The following ZC3H6 variants were observed in gnomAD, a reference collection of about 807,000 sequenced individuals.
The protein encoded by ZC3H6 is zinc finger CCCH-type containing 6, also known as zinc finger CCCH domain-containing protein 6.
Under a neutral mutation model 107.7 loss-of-function variants are expected in ZC3H6, and 40 were observed. That is an observed-to-expected ratio of 0.37 (90% CI 0.29 to 0.48). The LOEUF is 0.48. Ranked by LOEUF, ZC3H6 falls within the 20% of genes least tolerant of loss-of-function variation. ZC3H6 has a pLI of 0.98. For missense variants in ZC3H6, 1,267 were observed against 1,410.4 expected, an observed-to-expected ratio of 0.90 and a Z score of 1.63; for synonymous variants, 493 against 487.9, an observed-to-expected ratio of 1.01 and a Z score of -0.14.
At position 112,331,043 on chromosome 2, in the gene ZC3H6, G is replaced by A; in HGVS notation, c.2125G>A (p.Glu709Lys). ...CTGGTATTCCAGTAGTGAAGAGGAAGAAGGAAGCAGTGTCAAATCAATACT... is the reference window on the plus strand; with the variant it reads ...CTGGTATTCCAGTAGTGAAGAGGAAAAAGGAAGCAGTGTCAAATCAATACT... ...VNWYSSSEEE[E>K]GSSVKSILKT... Residue 709 changes from glutamate (E) to lysine (K), a missense_variant, in exon 12 of 12, where the codon GAA (glutamate) becomes AAA (lysine). By Grantham distance (56) the Glu-to-Lys change is moderately conservative (BLOSUM62 1). Transcript: ENST00000409871. The A allele has an allele frequency of 1.3e-6, 2 of 1,559,330 alleles. No homozygotes were observed. Among genetic ancestry groups the A allele is most frequent in the Non-Finnish European group, 1.7e-6 (2 of 1,153,992 alleles).
intron 9 of ZC3H6, among the ~76,000 whole-genome samples, chr2:112,323,748 T>G (rs1429460949): frequency 6.6e-6 from 1 of 152,198 alleles, no homozygotes. Context: ...AATAACCAAT[T>G]ACAAATTATT....
Position 112,340,018 on chromosome 2 carries a change from A to G in ZC3H6, c.*7530A>G, listed in dbSNP as rs1677214670. On this transcript the variant is annotated 3_prime_UTR_variant, in exon 12 of 12. Coordinates refer to ENST00000409871, the MANE Select transcript of ZC3H6 (RefSeq NM_198581.3). ...AAGTTTCTGTAATTTTTTTCTGTAT[A>G]CCTTTCTATTGTCTGAATTTAAATA... is the stretch of plus-strand genomic sequence containing the variant. 3 of 152,132 alleles carry G rather than the reference A, an allele frequency of 2.0e-5. No individual in the cohort carries two copies. Among genetic ancestry groups the G allele is most frequent in the Admixed American group, 2.0e-4 (3 of 15,262 alleles). The allele number at this position is 152,132 out of a possible 1,614,324, so 9.4% of individuals were successfully genotyped here.
intron 5 of ZC3H6, chr2:112,312,283 T>C (rs1400489756): frequency 5.6e-6 from 1 of 178,440 alleles, no homozygotes; most frequent in Non-Finnish European, 1.2e-5. Flanking sequence ...TGCTAATAGC[T>C]CAATATGTAG....
intron 1 of ZC3H6, among the ~76,000 whole-genome samples, chr2:112,297,208 C>A (rs1387235598): frequency 6.6e-6 from 1 of 152,202 alleles, no homozygotes; most frequent in Non-Finnish European, 1.5e-5. Flanking sequence ...GTTACCAACT[C>A]ATGGCCAATC....
chr2:112,279,397 CT>C (rs1217897685), intron 1 of ZC3H6, among the ~76,000 whole-genome samples: 1 of 152,164 alleles, frequency 6.6e-6, no homozygotes, highest in Non-Finnish European at 1.5e-5. Flanking sequence ...CTGAAATATA[CT>C]AATGGTAAAA....
intron 4 of ZC3H6, among the ~76,000 whole-genome samples, chr2:112,310,827 AC>A (rs1676579189): frequency 6.6e-6 from 1 of 152,172 alleles, no homozygotes; most frequent in South Asian, 2.1e-4. Context: ...CTGTATAACT[AC>A]CCTTTAATTA....
intron 1 of ZC3H6, among the ~76,000 whole-genome samples, chr2:112,286,582 C>T (rs113428223): frequency 0.021 from 3,185 of 152,282 alleles, 56 homozygotes; most frequent in South Asian, 0.051. Flanking sequence ...GGACTATGGG[C>T]GCACAACACC....
At chr2:112,277,198 T>A (rs1381480204) in intron 1 of ZC3H6, among the ~76,000 whole-genome samples, 3 of 152,170 alleles carry the variant, frequency 2.0e-5, no homozygotes, top group Non-Finnish European at 4.4e-5. Flanking sequence ...GGCACGTCAA[T>A]CAAAGTGTAA....
At chr2:112,308,045 T>C (rs1676510454) in intron 3 of ZC3H6, among the ~76,000 whole-genome samples, 1 of 152,242 alleles carries the variant, frequency 6.6e-6, no homozygotes, top group Non-Finnish European at 1.5e-5. Context: ...ATAACCATCA[T>C]TTAACTAGTT....
chr2:112,287,589 C>A (rs968033959), intron 1 of ZC3H6, among the ~76,000 whole-genome samples: 4 of 152,146 alleles, frequency 2.6e-5, no homozygotes, highest in African/African-American at 7.2e-5. Context: ...TTATCAAAAA[C>A]AAATTTGTTG....
At chr2:112,330,925 TTTATAA>T (rs1369556591) in intron 11 of ZC3H6, 74 bp from the exon 12 acceptor site, 1 of 610,794 alleles carries the variant, frequency 1.6e-6, no homozygotes, top group Non-Finnish European at 2.2e-6. Context: ...TAAAGAATAA[TTTATAA>T]TTATAATATA....
rs977565936 is a variant in ZC3H6 at position 112,335,666 on chromosome 2, C to T, written c.*3178C>T. ...TAATCATTATGCTCCCATTAGGGTG[C>T]ATTAAGTTGTACAAATTCCAAAATA... On this transcript the variant is annotated 3_prime_UTR_variant, in exon 12 of 12. Coordinates refer to ENST00000409871, the MANE Select transcript of ZC3H6 (RefSeq NM_198581.3). 9 of 151,972 alleles carry T rather than the reference C, an allele frequency of 5.9e-5. No individual in the cohort carries two copies. Among genetic ancestry groups the T allele is most frequent in the Admixed American group, 4.6e-4 (7 of 15,246 alleles). The allele number at this position is 151,972 out of a possible 1,614,324, so 9.4% of individuals were successfully genotyped here.
chr2:112,309,896 A>G lies in ZC3H6; in HGVS notation c.348A>G (p.Ile116Met). 1 of 1,580,012 alleles carries G rather than the reference A, an allele frequency of 6.3e-7. No homozygotes were observed. Among genetic ancestry groups the G allele is most frequent in the South Asian group, 1.2e-5 (1 of 86,198 alleles). ...CCATTTTCACTTAGCGTGGACATAT[A>G]TCAGGAAGCTACATAACATCAAAGA... The part of the protein sequence containing the change: ...YDIPFTQRGH[I>M]SGSYITSKKG... The change falls in exon 4 of 12, where the codon ATA becomes ATG. Residue 116 changes from isoleucine to methionine, a missense_variant. Transcript: ENST00000409871.
At position 112,335,179 on chromosome 2, in the gene ZC3H6, T is replaced by A. The variant is rs1380868005; in HGVS notation, c.*2691T>A. On this transcript the variant is annotated 3_prime_UTR_variant, in exon 12 of 12. Transcript: ENST00000409871. ...ACACAAATCAGATGTTGGAGTGATTTCAAACTCTATTTCAACAATTGGGTC... is the reference window on the plus strand; with the variant it reads ...ACACAAATCAGATGTTGGAGTGATTACAAACTCTATTTCAACAATTGGGTC... The A allele has an allele frequency of 6.6e-6, 1 of 152,190 alleles. No individual in the cohort carries two copies. Among genetic ancestry groups the A allele is most frequent in the Non-Finnish European group, 1.5e-5 (1 of 68,014 alleles). The allele number at this position is 152,190 out of a possible 1,614,324, so 9.4% of individuals were successfully genotyped here. A position where few individuals can be genotyped will look rare whatever the true frequency, so the allele number is the denominator to read the frequency against.
intron 1 of ZC3H6, among the ~76,000 whole-genome samples, chr2:112,277,431 T>G (rs577892476): frequency 6.6e-6 from 1 of 152,138 alleles, no homozygotes; most frequent in South Asian, 2.1e-4. Flanking sequence ...TTCCCCTCTC[T>G]TAGTGCACAA....
intron 1 of ZC3H6, among the ~76,000 whole-genome samples, chr2:112,299,516 T>C (rs1676319729): frequency 6.6e-6 from 1 of 152,200 alleles, no homozygotes; most frequent in Non-Finnish European, 1.5e-5. Flanking sequence ...AGATGGTAAC[T>C]ATTGGAGTAC....
In ZC3H6 at chr2:112,332,085, C is replaced by G; in HGVS notation, c.3167C>G (p.Ser1056Ter). 6.2e-7 allele frequency: 1 copy of G among 1,613,970 alleles called. No individual in the cohort carries two copies. The highest frequency in any genetic ancestry group is 8.5e-7 in the Non-Finnish European group (1 of 1,179,882). The change falls in exon 12 of 12, where the codon TCA (serine) becomes TGA (stop). Residue 1056 changes from serine (S) to a stop codon, truncating the protein, a stop_gained. Coordinates refer to ENST00000409871, the MANE Select transcript of ZC3H6 (RefSeq NM_198581.3). LOFTEE classifies it high-confidence loss of function. ...TTGTATGACCCTAGGGATCACGGTT[C>G]ATCATCCACATCAGAGCTAGCAACA... ...ISLYDPRDHG[S>*]SSTSELATAS... is the part of the protein sequence containing the mutation.
intron 1 of ZC3H6, among the ~76,000 whole-genome samples, chr2:112,289,527 G>A (rs922875041): frequency 7.3e-5 from 11 of 150,912 alleles, no homozygotes; most frequent in Admixed American, 4.0e-4. Context: ...GGGTTTCACC[G>A]TGTTAGCCAG....
chr2:112,306,196 G>C (rs561742430), intron 3 of ZC3H6, among the ~76,000 whole-genome samples: 42 of 130,478 alleles, frequency 3.2e-4, no homozygotes, highest in Non-Finnish European at 6.2e-4. Flanking sequence ...TTTTTGAGAC[G>C]GAGTCTCACT....
Sources: allele counts gnomAD v4.1 joint callset (sites outside exome capture counted in the v4.1 genomes callset), GRCh38; gene constraint gnomAD v4.1.1; transcripts MANE v1.5; gene names NCBI Gene and HGNC (gene_info 2026-07-23, HGNC 2026-07-21).